Variants in PCGF2 observed in about 807,000 individuals in gnomAD.
The protein encoded by PCGF2 is polycomb group RING finger protein 2.
A neutral mutation model predicts 36.1 loss-of-function variants in PCGF2; 8 were observed. The ratio of observed to expected loss-of-function variants is 0.22; its 90% CI spans 0.13 to 0.40. The LOEUF (loss-of-function observed/expected upper bound fraction) is 0.40. Among genes scored for constraint, PCGF2 ranks in the 10% least tolerant of loss-of-function variants. The pLI, the probability that PCGF2 is intolerant of heterozygous loss-of-function variation, is 1.00. For synonymous variants in PCGF2, 198 were observed against 191.2 expected (o/e 1.04, Z -0.29); for missense variants, 436 against 475.9 (o/e 0.92, Z 0.78).
intron 9 of PCGF2, among the ~76,000 whole-genome samples, chr17:38,737,809 G>A (rs1598014717): frequency 6.6e-6 from 1 of 151,878 alleles, no homozygotes; most frequent in African/African-American, 2.4e-5. Flanking sequence ...CTACTCGGGA[G>A]GCTGAGGCAG....
intron 9 of PCGF2, among the ~76,000 whole-genome samples, chr17:38,737,326 G>GGT (rs1470184181): frequency 6.6e-6 from 1 of 151,914 alleles, no homozygotes; most frequent in Non-Finnish European, 1.5e-5. Flanking sequence ...AGCCACGTGT[G>GGT]GTGGCATGTA....
At chr17:38,746,071 A>G (rs1907517687) in intron 2 of PCGF2, among the ~76,000 whole-genome samples, 1 of 151,832 alleles carries the variant, frequency 6.6e-6, no homozygotes, top group African/African-American at 2.4e-5. Flanking sequence ...ACTTTCCCCA[A>G]TCCTTGACAA....
chr17:38,738,875 G>A lies in PCGF2; in HGVS notation c.317-14C>T, dbSNP rs970896814. The A allele has an allele frequency of 6.2e-7, 1 of 1,608,862 alleles. No homozygotes were observed. On this transcript the variant is annotated splice_polypyrimidine_tract_variant and intron_variant, in intron 6 of 10. Coordinates refer to ENST00000620225, the MANE Select transcript of PCGF2 (RefSeq NM_007144.3). ...AGCCGTTGGGGACTGCAGAAGGAAA[G>A]AGCTCTCGGGTTGGCGGAGGATGTA... is the stretch of plus-strand genomic sequence containing the variant.
rs1162565066 is a variant in PCGF2 at position 38,734,094 on chromosome 17, TGAG to T, written c.*1126_*1128del. ...GACTCCTCTCAGATCTATGCACACT[TGAG>T]GAAATCTCGGTGGGCAGCGACCTGC... On this transcript the variant is annotated 3_prime_UTR_variant, in exon 11 of 11. Transcript: ENST00000620225. The T allele has an allele frequency of 3.3e-5, 5 of 150,314 alleles. No individual in the cohort carries two copies. The Admixed American group carries it at 3.3e-4, about 10-fold the overall frequency. The allele number at this position is 150,314 out of a possible 1,614,324, so 9.3% of individuals were successfully genotyped here.
intron 2 of PCGF2, among the ~76,000 whole-genome samples, chr17:38,741,174 C>A (rs1234478879): frequency 6.6e-6 from 1 of 150,754 alleles, no homozygotes; most frequent in African/African-American, 2.4e-5. Flanking sequence ...GATCCTCCTG[C>A]CTCACGTGAT....
Position 38,735,502 on chromosome 17 carries a change from C to A in PCGF2, c.756G>T (p.Gly252=), listed in dbSNP as rs1278162521. The part of the protein sequence containing the change: ...PTPSEGTNTS[G]ASECESVSDK... ...CGCTGACTGACTCACACTCGGACGC[C>A]CCGCTGGTGTTGGTGCCCTCGGAGG... Residue 252 remains glycine (G), a synonymous_variant, in exon 11 of 11, where the codon GGG becomes GGT. Transcript: ENST00000620225. 1.3e-6 allele frequency: 2 copies of A among 1,593,026 alleles called. No individual in the cohort carries two copies. The highest frequency in any genetic ancestry group is 2.3e-5 in the South Asian group (2 of 87,918).
In PCGF2 at chr17:38,739,133, C is replaced by T; in HGVS notation, c.266-15G>A. Reference sequence around the variant, plus strand: ...TTTCATCTCATCTGGAAGAAGGCAGCAGGATGAGGACAGGGCCATGGGTTG... The same window carrying T: ...TTTCATCTCATCTGGAAGAAGGCAGTAGGATGAGGACAGGGCCATGGGTTG... On this transcript the variant is annotated splice_polypyrimidine_tract_variant and intron_variant, in intron 5 of 10. Coordinates refer to ENST00000620225, the MANE Select transcript of PCGF2 (RefSeq NM_007144.3). The surrounding 1 kb of genome is among the most constrained non-coding windows in gnomAD (Gnocchi z 4.0). The T allele has an allele frequency of 6.2e-7, 1 of 1,614,022 alleles. No homozygotes were observed. The highest frequency in any genetic ancestry group is 8.5e-7 in the Non-Finnish European group (1 of 1,179,976).
Position 38,740,544 on chromosome 17 carries a change from G to A in PCGF2, c.-40-102C>T, listed in dbSNP as rs1177795003. The A allele has an allele frequency of 1.2e-5, 9 of 756,416 alleles. No homozygotes were observed. The Admixed American group carries it at 2.4e-4, about 20-fold the overall frequency. 46.9% of individuals were successfully genotyped at this position (756,416 alleles called of 1,614,324 possible). A position where few individuals can be genotyped will look rare whatever the true frequency, so the allele number is the denominator to read the frequency against. On this transcript the variant is annotated intron_variant, in intron 2 of 10. Coordinates refer to ENST00000620225, the MANE Select transcript of PCGF2 (RefSeq NM_007144.3). ...GGAGGCCAAGGCGGGCGGATCACGA[G>A]GTCAGGAGATTGAGACCATCTTGAC...
Position 38,738,837 on chromosome 17 carries a change from C to A in PCGF2, c.341G>T (p.Arg114Leu), listed in dbSNP as rs554363495. Residue 114 changes from arginine (R) to leucine (L), a missense_variant, in exon 7 of 11, where the codon CGC becomes CTC. Physicochemically the swap from Arg to Leu is moderately radical, Grantham distance 102. Coordinates refer to ENST00000620225, the MANE Select transcript of PCGF2 (RefSeq NM_007144.3). ...CTTCTCCTGCTCCAAGACCTCGCCG[C>A]GGTCCTCATTGGAGCCGTTGGGGAC... ...TEVPNGSNED[R>L]GEVLEQEKGA... 2 of 1,613,950 alleles carry A rather than the reference C, an allele frequency of 1.2e-6. No individual in the cohort carries two copies. The highest frequency in any genetic ancestry group is 1.7e-5 in the Admixed American group (1 of 60,008).
intron 2 of PCGF2, among the ~76,000 whole-genome samples, chr17:38,743,952 A>T (rs1042778934): frequency 2.0e-5 from 3 of 152,162 alleles, no homozygotes; most frequent in African/African-American, 7.2e-5. Context: ...AGGGAGAAAG[A>T]GTGGGAGACA....
chr17:38,743,094 C>CTTTTT (rs71138648), intron 2 of PCGF2, among the ~76,000 whole-genome samples: 1 of 138,760 alleles, frequency 7.2e-6, no homozygotes, highest in African/African-American at 2.7e-5. Context: ...GACACTTGCT[C>CTTTTT]TTTTTTTTTT....
intron 2 of PCGF2, among the ~76,000 whole-genome samples, chr17:38,744,978 G>A (rs1907446433): frequency 6.6e-6 from 1 of 152,156 alleles, no homozygotes; most frequent in Admixed American, 6.6e-5. Context: ...ACTTTGGGAG[G>A]CCAAGGCGGA....
At chr17:38,740,125 C>T (rs530115082) in intron 3 of PCGF2, among the ~76,000 whole-genome samples, 166 bp downstream of exon 3, 5 of 152,258 alleles carry the variant, frequency 3.3e-5, no homozygotes, top group Non-Finnish European at 2.9e-5. Flanking sequence ...CGCGCCCAGT[C>T]GCCCCTGCGA....
At chr17:38,745,727 G>A (rs141847209) in intron 2 of PCGF2, among the ~76,000 whole-genome samples, 22 of 152,334 alleles carry the variant, frequency 1.4e-4, no homozygotes, top group African/African-American at 4.3e-4. Flanking sequence ...CAGCAGGTGG[G>A]AGGGGAAAAG....
Position 38,739,361 on chromosome 17 carries a change from C to T in PCGF2, c.210-108G>A, listed in dbSNP as rs762948579. ...CCTCTTCCCACCCCCTTCCTGAGAC[C>T]GGTGCCCAGGCATTAGGATCCCTGT... On this transcript the variant is annotated intron_variant, in intron 4 of 10. Coordinates refer to ENST00000620225, the MANE Select transcript of PCGF2 (RefSeq NM_007144.3). This position sits in a 1 kb window ranked among gnomAD's most constrained non-coding sequence, Gnocchi z 4.0. The T allele has an allele frequency of 2.0e-5, 22 of 1,074,306 alleles. No homozygotes were observed. The highest frequency in any genetic ancestry group is 2.0e-4 in the African/African-American group (13 of 64,198). 66.5% of individuals were successfully genotyped at this position (1,074,306 alleles called of 1,614,324 possible).
chr17:38,739,183 A>C lies in PCGF2; in HGVS notation c.265+15T>G. 1 of 1,613,998 alleles carries C rather than the reference A, an allele frequency of 6.2e-7. No individual in the cohort carries two copies. Among genetic ancestry groups the C allele is most frequent in the Non-Finnish European group, 8.5e-7 (1 of 1,179,878 alleles). On this transcript the variant is annotated intron_variant, in intron 5 of 10. Coordinates refer to ENST00000620225, the MANE Select transcript of PCGF2 (RefSeq NM_007144.3). The surrounding 1 kb of genome is among the most constrained non-coding windows in gnomAD (Gnocchi z 4.0). The stretch of plus-strand genomic sequence containing the variant: ...GGGAAATGGGGTCAGTGGAGGAGGA[A>C]TGGAGTGCAGATACCTTTAAAAAGC...
In PCGF2 at chr17:38,740,542, G is replaced by A. The variant is rs916278437; in HGVS notation, c.-40-100C>T. On this transcript the variant is annotated intron_variant, in intron 2 of 10. Coordinates refer to ENST00000620225, the MANE Select transcript of PCGF2 (RefSeq NM_007144.3). Reference sequence around the variant, plus strand: ...TGGGAGGCCAAGGCGGGCGGATCACGAGGTCAGGAGATTGAGACCATCTTG... The same window carrying A: ...TGGGAGGCCAAGGCGGGCGGATCACAAGGTCAGGAGATTGAGACCATCTTG... The A allele has an allele frequency of 4.4e-5, 33 of 754,388 alleles. 1 individual carries two copies. In the Admixed American group the frequency reaches 6.8e-4, roughly 16 times the overall value. 46.7% of individuals were successfully genotyped at this position (754,388 alleles called of 1,614,324 possible). A position where few individuals can be genotyped will look rare whatever the true frequency, so the allele number is the denominator to read the frequency against.
upstream of PCGF2, among the ~76,000 whole-genome samples, chr17:38,748,570 C>T (rs1907716897): frequency 6.6e-6 from 1 of 152,100 alleles, no homozygotes; most frequent in African/African-American, 2.4e-5. Context: ...GGACGAGACC[C>T]CTCCCTTCCC....
chr17:38,735,614 G>C lies in PCGF2; in HGVS notation c.658-14C>G. 4 of 1,541,052 alleles carry C rather than the reference G, an allele frequency of 2.6e-6. No homozygotes were observed. The South Asian group carries it at 4.9e-5, about 19-fold the overall frequency. ...GAGAGGCCCGTTCTGCGGGGAGAGT[G>C]GGGAGGAGAGACACAGGGAAGGGGA... is the stretch of plus-strand genomic sequence containing the variant. On this transcript the variant is annotated splice_polypyrimidine_tract_variant and intron_variant, in intron 10 of 10. Transcript: ENST00000620225.
Sources: allele counts gnomAD v4.1 joint callset (sites outside exome capture counted in the v4.1 genomes callset), GRCh38; gene constraint gnomAD v4.1.1; non-coding constraint Gnocchi (gnomAD v3.1); transcripts MANE v1.5; gene names NCBI Gene and HGNC (gene_info 2026-07-23, HGNC 2026-07-21).